Variants in PDZD2 observed in about 807,000 individuals in gnomAD.
PDZD2 encodes PDZ domain-containing protein 2.
A neutral mutation model predicts 220.7 loss-of-function variants in PDZD2; 90 were observed. The observed-to-expected ratio is 0.41, with a 90% CI of 0.34 to 0.49. The LOEUF (loss-of-function observed/expected upper bound fraction) is 0.49. Ranked by LOEUF, PDZD2 falls within the 20% of genes least tolerant of loss-of-function variation. The probability of loss-of-function intolerance (pLI) is 0.28; values close to 1 mark genes in which losing one functional copy is unlikely to be tolerated. For missense variants in PDZD2, 3,174 were observed against 3,608.5 expected (o/e 0.88, Z 3.08); for synonymous variants, 1,375 against 1,450.5 (o/e 0.95, Z 1.18).
chr5:32,071,411 CA>C lies in PDZD2; in HGVS notation c.2567del (p.Lys856ArgfsTer67). The C allele has an allele frequency of 6.2e-7, 1 of 1,609,006 alleles. No homozygotes were observed. The highest frequency in any genetic ancestry group is 8.5e-7 in the Non-Finnish European group (1 of 1,175,700). On this transcript the variant is annotated frameshift_variant, in exon 16 of 25. Transcript: ENST00000438447. LOFTEE classifies it high-confidence loss of function. ...LGTPLKSPSLAKKDSLISESE... is the reference protein window; with the variant it reads ...LGTPLKSPSLXKKDSLISESE... ...ACCCCCTTGAAGAGTCCCTCTCTTG[CA>C]AAAAAGGTGAGTCAAGGTGAACTGC...
chr5:31,966,623 A>G (rs1186873800), intron 2 of PDZD2, among the ~76,000 whole-genome samples: 1 of 152,216 alleles, frequency 6.6e-6, no homozygotes, highest in Non-Finnish European at 1.5e-5. Flanking sequence ...CAACATCTGT[A>G]AAGACATGGC....
intron 1 of PDZD2, among the ~76,000 whole-genome samples, chr5:31,652,915 G>T (rs969876040): frequency 1.7e-4 from 26 of 152,176 alleles, no homozygotes; most frequent in African/African-American, 6.0e-4. Flanking sequence ...GGGAGGCTGA[G>T]GTGGGAGAAT....
rs764849480 is a variant in PDZD2 at position 32,090,110 on chromosome 5, G to C, written c.6662G>C (p.Arg2221Thr). Reference sequence around the variant, plus strand: ...TACTTCACCCCAAGGCCAGCGACCAGGACCTACTCCATGCCAGCCCAGTTC... The same window carrying C: ...TACTTCACCCCAAGGCCAGCGACCACGACCTACTCCATGCCAGCCCAGTTC... ...HLYFTPRPATRTYSMPAQFSS... is the reference protein window; with the variant it reads ...HLYFTPRPATTTYSMPAQFSS... The change falls in exon 20 of 25, where the codon AGG becomes ACG. Residue 2221 changes from arginine to threonine, a missense_variant. This residue lies in a region of PDZD2 where 631 missense variants were observed against 789.9 expected (regional missense o/e 0.80). Coordinates refer to ENST00000438447, the MANE Select transcript of PDZD2 (RefSeq NM_178140.4). This position sits in a 1 kb window ranked among gnomAD's most constrained non-coding sequence, Gnocchi z 4.3. The C allele has an allele frequency of 6.2e-7, 1 of 1,613,844 alleles. No homozygotes were observed. Among genetic ancestry groups the C allele is most frequent in the Non-Finnish European group, 8.5e-7 (1 of 1,180,012 alleles).
chr5:31,845,697 A>T (rs1005064753), intron 2 of PDZD2, among the ~76,000 whole-genome samples: 1 of 152,200 alleles, frequency 6.6e-6, no homozygotes, highest in East Asian at 1.9e-4. Flanking sequence ...TCTACTTATT[A>T]GTTGTGTGAC....
At chr5:31,851,966 C>T (rs1193187949) in intron 2 of PDZD2, among the ~76,000 whole-genome samples, 7 of 151,868 alleles carry the variant, frequency 4.6e-5, no homozygotes, top group African/African-American at 1.7e-4. Flanking sequence ...AAGTGATTCT[C>T]GTGCCTCAGC....
chr5:31,767,677 T>C (rs996207198), intron 1 of PDZD2, among the ~76,000 whole-genome samples: 1 of 152,220 alleles, frequency 6.6e-6, no homozygotes, highest in African/African-American at 2.4e-5. Flanking sequence ...ATGTAAAGTT[T>C]TCAGATGGCC....
In PDZD2 at chr5:31,908,048, A is replaced by C. The variant is rs1055178186; in HGVS notation, c.477-75107A>C. On this transcript the variant is annotated intron_variant, in intron 2 of 24. Transcript: ENST00000438447. ...CAGTGAGCCGAGATCCTGCCATTGC[A>C]CTCTAGCCTGGGTGACAGAGCCAGG... Among the ~76,000 whole-genome samples the C allele has an allele frequency of 9.2e-5, 12 of 130,530 alleles. No individual in the cohort carries two copies. In the Admixed American group the frequency reaches 1.1e-3, roughly 12 times the overall value. The allele number at this position is 130,530 out of a possible 152,430, so 85.6% of individuals were successfully genotyped here.
chr5:31,785,682 C>A (rs1036180745), intron 1 of PDZD2, among the ~76,000 whole-genome samples: 1 of 151,980 alleles, frequency 6.6e-6, no homozygotes, highest in Non-Finnish European at 1.5e-5. Context: ...CTCAAGTGAT[C>A]CTCCTGCCTC....
intron 2 of PDZD2, among the ~76,000 whole-genome samples, chr5:31,945,933 G>C (rs1422540965): frequency 6.6e-6 from 1 of 152,254 alleles, no homozygotes; most frequent in Non-Finnish European, 1.5e-5. Context: ...TCTTAGCCTT[G>C]AGGAAGCACA....
chr5:31,649,318 A>G (rs1347808193), intron 1 of PDZD2, among the ~76,000 whole-genome samples: 1 of 150,928 alleles, frequency 6.6e-6, no homozygotes. Flanking sequence ...CATTGCCCTC[A>G]CTCCATGCCT....
rs774280647 is a variant in PDZD2, at chr5:32,052,594, C to T, written c.1666-17C>T. 140 of 1,612,242 alleles carry T rather than the reference C, an allele frequency of 8.7e-5. No homozygotes were observed. The highest frequency in any genetic ancestry group is 1.1e-4 in the Non-Finnish European group (134 of 1,178,428). On this transcript the variant is annotated splice_polypyrimidine_tract_variant and intron_variant, in intron 8 of 24. Coordinates refer to ENST00000438447, the MANE Select transcript of PDZD2 (RefSeq NM_178140.4). ...AAATGAGAGTAATCTCTGACCTTGC[C>T]GTGTGCTGACTTTTAGGAATACCAC... is the stretch of plus-strand genomic sequence containing the variant.
chr5:31,916,643 C>T (rs1171158451), intron 2 of PDZD2, among the ~76,000 whole-genome samples: 17 of 148,404 alleles, frequency 1.1e-4, no homozygotes, highest in African/African-American at 4.3e-4. Flanking sequence ...TGTGACGTTG[C>T]ACGTGTTCAG....
chr5:31,700,492 G>A (rs1183558134), intron 1 of PDZD2, among the ~76,000 whole-genome samples: 1 of 152,150 alleles, frequency 6.6e-6, no homozygotes, highest in Admixed American at 6.5e-5. Context: ...CTCCACCCAT[G>A]TCCTGCTTAG....
intron 2 of PDZD2, among the ~76,000 whole-genome samples, chr5:31,855,549 C>T (rs1026468591): frequency 6.6e-6 from 1 of 152,198 alleles, no homozygotes; most frequent in Non-Finnish European, 1.5e-5. Flanking sequence ...GTTGAAGCCC[C>T]GGTAGGGGCG....
intron 2 of PDZD2, among the ~76,000 whole-genome samples, chr5:31,908,082 CAAAAAAAAAAAAAA>C (rs55741622): frequency 3.9e-5 from 3 of 76,894 alleles, no homozygotes; most frequent in South Asian, 6.7e-4. Context: ...GGCTCCGTCT[CAAAAAAAAAAAAAA>C]AAAAAAAAAA....
intron 2 of PDZD2, among the ~76,000 whole-genome samples, chr5:31,820,940 T>G (rs1449773881): frequency 6.6e-6 from 1 of 152,118 alleles, no homozygotes; most frequent in Non-Finnish European, 1.5e-5. Context: ...TATTTTATTT[T>G]ACTTGTCATC....
chr5:31,924,882 T>A (rs1417954067), intron 2 of PDZD2, among the ~76,000 whole-genome samples: 2 of 152,218 alleles, frequency 1.3e-5, no homozygotes, highest in African/African-American at 4.8e-5. Flanking sequence ...GTGTGTGTTG[T>A]CACCAACACT....
rs377189622 is a variant in PDZD2 at position 32,073,926 on chromosome 5, C to T, written c.2820C>T (p.Ala940=). The T allele has an allele frequency of 6.2e-6, 10 of 1,613,932 alleles. No homozygotes were observed. Among genetic ancestry groups the T allele is most frequent in the Admixed American group, 1.7e-5 (1 of 60,002 alleles). Residue 940 remains alanine (A), a synonymous_variant, in exon 18 of 25, where the codon GCC becomes GCT. Transcript: ENST00000438447. ...SGLFHKQVTV[A]RQASLPGSPQ... is the part of the protein sequence containing the mutation. ...TCTTCCACAAGCAGGTGACAGTTGC[C>T]AGACAAGCCAGTCTCCCCGGAAGCC...
intron 2 of PDZD2, among the ~76,000 whole-genome samples, chr5:31,868,051 G>C (rs1194657116): frequency 6.6e-6 from 1 of 152,130 alleles, no homozygotes; most frequent in Non-Finnish European, 1.5e-5. Context: ...GGCTCAGAAG[G>C]GCCTTGACAT....
Sources: allele counts gnomAD v4.1 joint callset (sites outside exome capture counted in the v4.1 genomes callset), GRCh38; gene constraint gnomAD v4.1.1; regional missense constraint gnomAD v4.1.1; non-coding constraint Gnocchi (gnomAD v3.1); transcripts MANE v1.5; gene names NCBI Gene and HGNC (gene_info 2026-07-23, HGNC 2026-07-21).